The following SLC10A7 variants were observed in gnomAD, a reference collection of about 807,000 sequenced individuals.
SLC10A7 encodes solute carrier family 10 member 7.
A neutral mutation model predicts 43.2 loss-of-function variants in SLC10A7; 29 were observed. The ratio of observed to expected loss-of-function variants is 0.67; its 90% CI spans 0.50 to 0.92. The LOEUF is 0.92. Among genes scored for constraint, SLC10A7 ranks in the 40% least tolerant of loss-of-function variants. SLC10A7 has a pLI of 0.00. For synonymous variants in SLC10A7, 152 were observed against 144.8 expected (o/e 1.05, Z -0.35); for missense variants, 295 against 403.2 (o/e 0.73, Z 2.30).
intron 5 of SLC10A7, among the ~76,000 whole-genome samples, chr4:146,416,962 G>A (rs1010157194): frequency 4.6e-5 from 7 of 152,052 alleles, no homozygotes; most frequent in Admixed American, 1.3e-4. Context: ...AAATGAGACT[G>A]TCACCCACCA....
Position 146,482,893 on chromosome 4 carries a change from T to A in SLC10A7, c.396+20956A>T, listed in dbSNP as rs963124359. The stretch of plus-strand genomic sequence containing the variant: ...AGTCTCCATTTGACTACCAGTGGAT[T>A]TCTCAGGAAAAATCTTATAGGCCAA... On this transcript the variant is annotated intron_variant, in intron 4 of 11. Transcript: ENST00000335472. Among the ~76,000 whole-genome samples the A allele has an allele frequency of 5.4e-4, 82 of 152,104 alleles. 5 individuals are homozygous for A. The highest frequency in any genetic ancestry group is 2.9e-5 in the Non-Finnish European group (2 of 68,030).
rs572993886 is a variant in SLC10A7 at position 146,451,231 on chromosome 4, C to CAAAAAAAAAAAAAAA, written c.397-8425_397-8411dup. 2.5e-3 allele frequency among the ~76,000 whole-genome samples: 179 copies of CAAAAAAAAAAAAAAA among 71,670 alleles called. 2 individuals are homozygous for CAAAAAAAAAAAAAAA. The highest frequency in any genetic ancestry group is 9.3e-3 in the Middle Eastern group (1 of 108). 47.0% of individuals were successfully genotyped at this position (71,670 alleles called of 152,430 possible). A position where few individuals can be genotyped will look rare whatever the true frequency, so the allele number is the denominator to read the frequency against. On this transcript the variant is annotated intron_variant, in intron 4 of 11. Transcript: ENST00000335472. ...CAAGGCTGAATCAGAAGTCTCCCACCAAAAAAAAAAAAAAAAAAACAAAAA... is the reference window on the plus strand; with the variant it reads ...CAAGGCTGAATCAGAAGTCTCCCACCAAAAAAAAAAAAAAAAAAAAAAAAAAAAAAAAAACAAAAA...
intron 6 of SLC10A7, among the ~76,000 whole-genome samples, chr4:146,317,062 ATTT>A (rs1732376499): frequency 6.6e-6 from 1 of 152,102 alleles, no homozygotes; most frequent in African/African-American, 2.4e-5. Context: ...TTAAACCAGA[ATTT>A]TATACCTTTT....
intron 6 of SLC10A7, among the ~76,000 whole-genome samples, chr4:146,308,920 T>C (rs907372599): frequency 6.6e-6 from 1 of 152,172 alleles, no homozygotes; most frequent in Non-Finnish European, 1.5e-5. Flanking sequence ...ATCATTCAAG[T>C]AGTTACTTAG....
At chr4:146,259,017 G>A (rs1471673802) in intron 10 of SLC10A7, among the ~76,000 whole-genome samples, 180 bp from the exon 11 acceptor site, 2 of 152,162 alleles carry the variant, frequency 1.3e-5, no homozygotes, top group Non-Finnish European at 2.9e-5. Context: ...TTTCTTTCAT[G>A]ACATAAAGTT....
intron 5 of SLC10A7, among the ~76,000 whole-genome samples, chr4:146,333,682 A>C (rs903662412): frequency 6.6e-6 from 1 of 152,148 alleles, no homozygotes; most frequent in Non-Finnish European, 1.5e-5. Flanking sequence ...AAGACAGATG[A>C]ATCAGAAAAG....
chr4:146,398,155 A>G (rs1205903552), intron 5 of SLC10A7, among the ~76,000 whole-genome samples: 1 of 152,230 alleles, frequency 6.6e-6, no homozygotes, highest in Non-Finnish European at 1.5e-5. Flanking sequence ...ATAGGGAAAA[A>G]TATTCTGTTG....
intron 9 of SLC10A7, among the ~76,000 whole-genome samples, chr4:146,285,741 G>A (rs1729852115): frequency 6.6e-6 from 1 of 152,238 alleles, no homozygotes; most frequent in Non-Finnish European, 1.5e-5. Flanking sequence ...TGATGCTGAT[G>A]TATGCTAGAT....
chr4:146,409,614 A>T (rs961871872), intron 5 of SLC10A7, among the ~76,000 whole-genome samples: 3 of 152,204 alleles, frequency 2.0e-5, no homozygotes, highest in Admixed American at 6.5e-5. Flanking sequence ...ATTTTACTCT[A>T]TGTAAATTAT....
At position 146,442,654 on chromosome 4, in the gene SLC10A7, C is replaced by A; in HGVS notation, c.435+129G>T. ...CTTTTCTTCAGGGTATGGATACTGG[C>A]ACATGAAAAGATTCAACAATTTTTA... On this transcript the variant is annotated intron_variant, in intron 5 of 11. Coordinates refer to ENST00000335472, the MANE Select transcript of SLC10A7 (RefSeq NM_001029998.6). 6.7e-7 allele frequency: 1 copy of A among 1,503,696 alleles called. No homozygotes were observed. Among genetic ancestry groups the A allele is most frequent in the Admixed American group, 2.8e-5 (1 of 35,908 alleles). 93.1% of individuals were successfully genotyped at this position (1,503,696 alleles called of 1,614,324 possible). A position where few individuals can be genotyped will look rare whatever the true frequency, so the allele number is the denominator to read the frequency against.
At chr4:146,321,486 C>T (rs1017349342) in intron 6 of SLC10A7, among the ~76,000 whole-genome samples, 4 of 152,152 alleles carry the variant, frequency 2.6e-5, no homozygotes, top group African/African-American at 9.7e-5. Flanking sequence ...GATGTCCAAA[C>T]AAGACCACAT....
At chr4:146,335,348 G>T (rs1733822822) in intron 5 of SLC10A7, among the ~76,000 whole-genome samples, 1 of 149,904 alleles carries the variant, frequency 6.7e-6, no homozygotes, top group Non-Finnish European at 1.5e-5. Flanking sequence ...GCATGATGTT[G>T]GTGTCATTTC....
chr4:146,400,634 C>T (rs1739163633), intron 5 of SLC10A7, among the ~76,000 whole-genome samples: 1 of 152,050 alleles, frequency 6.6e-6, no homozygotes, highest in Admixed American at 6.5e-5. Flanking sequence ...AGCACTTGAG[C>T]TCTTGCTAGG....
At chr4:146,340,066 C>T (rs983477167) in intron 5 of SLC10A7, among the ~76,000 whole-genome samples, 5 of 151,646 alleles carry the variant, frequency 3.3e-5, no homozygotes, top group African/African-American at 7.3e-5. Context: ...CTACCTCTCA[C>T]CAATGACACC....
chr4:146,293,235 T>G (rs939275090), intron 8 of SLC10A7, among the ~76,000 whole-genome samples: 1 of 152,222 alleles, frequency 6.6e-6, no homozygotes, highest in Admixed American at 6.5e-5. Context: ...GATTTGGTTA[T>G]TTAATTTGGT....
chr4:146,267,700 G>T (rs1159351650), intron 10 of SLC10A7, among the ~76,000 whole-genome samples: 2 of 152,154 alleles, frequency 1.3e-5, no homozygotes, highest in African/African-American at 4.8e-5. Context: ...ACACATAAGA[G>T]AACATTTTTA....
At chr4:146,426,965 G>A (rs1189507871) in intron 5 of SLC10A7, among the ~76,000 whole-genome samples, 7 of 152,202 alleles carry the variant, frequency 4.6e-5, no homozygotes, top group African/African-American at 1.7e-4. Flanking sequence ...AACAGTCAGG[G>A]ACAATTAGGA....
At chr4:146,342,662 T>C (rs756887281) in intron 5 of SLC10A7, among the ~76,000 whole-genome samples, 9 of 151,778 alleles carry the variant, frequency 5.9e-5, no homozygotes, top group Non-Finnish European at 1.0e-4. Context: ...ATAATTACTT[T>C]AGAGCATTCT....
At position 146,309,239 on chromosome 4, in the gene SLC10A7, T is replaced by C. The variant is rs900167199; in HGVS notation, c.472-3230A>G. Among the ~76,000 whole-genome samples, 9 of 152,172 alleles carry C rather than the reference T, an allele frequency of 5.9e-5. 1 individual carries two copies. Among genetic ancestry groups the C allele is most frequent in the African/African-American group, 1.9e-4 (8 of 41,464 alleles). On this transcript the variant is annotated intron_variant, in intron 6 of 11. Transcript: ENST00000335472. ...TGAACCATTGTTCTGTGTATCTGAA[T>C]TGTACCTCTCGGAATCCTTGGTTGT...
Sources: allele counts gnomAD v4.1 joint callset (sites outside exome capture counted in the v4.1 genomes callset), GRCh38; gene constraint gnomAD v4.1.1; transcripts MANE v1.5; gene names NCBI Gene and HGNC (gene_info 2026-07-23, HGNC 2026-07-21).